Variants in MICU1 observed in about 807,000 individuals in gnomAD.
MICU1 encodes the protein calcium uptake protein 1, mitochondrial.
A neutral mutation model predicts 56.8 loss-of-function variants in MICU1; 45 were observed. The ratio of observed to expected loss-of-function variants is 0.79; its 90% CI spans 0.62 to 1.02. The LOEUF (loss-of-function observed/expected upper bound fraction) is 1.02. Among genes scored for constraint, MICU1 ranks in the 50% least tolerant of loss-of-function variants. The probability of loss-of-function intolerance (pLI) is 0.00; values close to 1 mark genes in which losing one functional copy is unlikely to be tolerated. For synonymous variants in MICU1, 186 were observed against 195.1 expected, an observed-to-expected ratio of 0.95 and a Z score of 0.39; for missense variants, 504 against 587.1, an observed-to-expected ratio of 0.86 and a Z score of 1.46.
chr10:72,391,447 T>A (rs565433848), intron 10 of MICU1, among the ~76,000 whole-genome samples: 19 of 151,304 alleles, frequency 1.3e-4, no homozygotes, highest in Non-Finnish European at 2.1e-4. Context: ...AAAAAAAAAA[T>A]AAATAAATAA....
intron 1 of MICU1, among the ~76,000 whole-genome samples, chr10:72,586,601 A>G (rs1478981052): frequency 6.6e-6 from 1 of 151,902 alleles, no homozygotes; most frequent in Non-Finnish European, 1.5e-5. Context: ...GCAGGGAGCC[A>G]AGATCGTGCC....
At chr10:72,502,738 G>A (rs1867121634) in intron 6 of MICU1, 1 of 153,322 alleles carries the variant, frequency 6.5e-6, no homozygotes, top group African/African-American at 2.4e-5. Context: ...GAGAGTCACT[G>A]AGTGCCTCAT....
chr10:72,389,521 G>T (rs550948251), intron 10 of MICU1, among the ~76,000 whole-genome samples: 1 of 152,294 alleles, frequency 6.6e-6, no homozygotes, highest in African/African-American at 2.4e-5. Flanking sequence ...TGCACGTATA[G>T]AATAACTACA....
chr10:72,615,900 A>T (rs1841967094), intron 1 of MICU1, among the ~76,000 whole-genome samples: 1 of 152,174 alleles, frequency 6.6e-6, no homozygotes, highest in South Asian at 2.1e-4. Context: ...GAGGCAGGAG[A>T]ATGGCGTGAA....
chr10:72,474,023 G>A (rs1426911111), intron 8 of MICU1, among the ~76,000 whole-genome samples: 5 of 151,940 alleles, frequency 3.3e-5, no homozygotes, highest in Admixed American at 2.6e-4. Flanking sequence ...ATGGGAGGCC[G>A]AGGCAGGAGG....
chr10:72,448,934 C>T (rs1365124554), intron 8 of MICU1, among the ~76,000 whole-genome samples: 4 of 151,982 alleles, frequency 2.6e-5, no homozygotes, highest in Admixed American at 1.3e-4. Context: ...TTTGTTTGTT[C>T]GTTTTGTTTT....
intron 1 of MICU1, among the ~76,000 whole-genome samples, chr10:72,579,321 C>A (rs1451771605): frequency 1.3e-5 from 2 of 152,098 alleles, no homozygotes; most frequent in Non-Finnish European, 2.9e-5. Flanking sequence ...GCCTGTTCCG[C>A]ATAGACACAG....
intron 1 of MICU1, among the ~76,000 whole-genome samples, chr10:72,608,861 G>A (rs1589387424): frequency 1.3e-5 from 2 of 152,214 alleles, no homozygotes; most frequent in African/African-American, 4.8e-5. Context: ...ACTCCTGGCT[G>A]TAACCAATCC....
chr10:72,480,331 A>T (rs1256925018), intron 6 of MICU1, among the ~76,000 whole-genome samples: 1 of 152,248 alleles, frequency 6.6e-6, no homozygotes, highest in Admixed American at 6.5e-5. Flanking sequence ...TGAGAAATAA[A>T]ATGATTTCAG....
At chr10:72,620,946 G>C (rs535555404) in intron 1 of MICU1, among the ~76,000 whole-genome samples, 11 of 152,104 alleles carry the variant, frequency 7.2e-5, no homozygotes, top group Non-Finnish European at 1.6e-4. Flanking sequence ...TGATTGGCCA[G>C]GCATGGTGGC....
In MICU1 at chr10:72,472,089, G is replaced by A. The variant is rs149403655; in HGVS notation, c.933+3011C>T. On this transcript the variant is annotated intron_variant, in intron 8 of 11. Coordinates refer to ENST00000361114, the MANE Select transcript of MICU1 (RefSeq NM_001195518.2). Reference sequence around the variant, plus strand: ...TGTTACCATTTCCAAATAAAGCTCTGGAAGCATAATACTTAAATGCTATTG... The same window carrying A: ...TGTTACCATTTCCAAATAAAGCTCTAGAAGCATAATACTTAAATGCTATTG... Among the ~76,000 whole-genome samples, 32 of 152,152 alleles carry A rather than the reference G, an allele frequency of 2.1e-4. No homozygotes were observed. The East Asian group carries it at 5.4e-3, about 26-fold the overall frequency.
At chr10:72,419,417 G>A (rs897607671) in intron 9 of MICU1, among the ~76,000 whole-genome samples, 3 of 152,168 alleles carry the variant, frequency 2.0e-5, no homozygotes, top group African/African-American at 4.8e-5. Flanking sequence ...GAGAACACCT[G>A]CTGTGGGAAA....
intron 1 of MICU1, among the ~76,000 whole-genome samples, chr10:72,621,314 C>T (rs761625854): frequency 6.6e-6 from 1 of 151,786 alleles, no homozygotes; most frequent in Non-Finnish European, 1.5e-5. Flanking sequence ...ATGGTGAAAC[C>T]CCATCTCTAC....
chr10:72,625,731 C>T (rs1295762328), intron 1 of MICU1, among the ~76,000 whole-genome samples: 1 of 152,154 alleles, frequency 6.6e-6, no homozygotes, highest in East Asian at 1.9e-4. Context: ...AGTTGCGAAC[C>T]CGGCACTGGG....
In MICU1 at chr10:72,511,911, G is replaced by A. The variant is rs550874041; in HGVS notation, c.538-3642C>T. ...TGATTGGGTGGTGCCCATCAACATT[G>A]AGGGCAGACCGTCCCCATCTAAATC... is the stretch of plus-strand genomic sequence containing the variant. On this transcript the variant is annotated intron_variant, in intron 5 of 11. Transcript: ENST00000361114. Among the ~76,000 whole-genome samples, 4 of 152,128 alleles carry A rather than the reference G, an allele frequency of 2.6e-5. No individual in the cohort carries two copies. In the South Asian group the frequency reaches 6.2e-4, roughly 24 times the overall value.
At chr10:72,603,124 C>T (rs931318662) in intron 1 of MICU1, among the ~76,000 whole-genome samples, 3 of 151,932 alleles carry the variant, frequency 2.0e-5, no homozygotes, top group African/African-American at 4.8e-5. Context: ...CAGTGGCTCA[C>T]GCCTGTAATC....
intron 4 of MICU1, among the ~76,000 whole-genome samples, chr10:72,538,026 G>T (rs1029886259): frequency 6.6e-5 from 10 of 152,130 alleles, no homozygotes; most frequent in Admixed American, 6.5e-4. Flanking sequence ...TTAGTACTCA[G>T]TTACACTTAT....
At position 72,551,243 on chromosome 10, in the gene MICU1, T is replaced by G. The variant is rs778894142; in HGVS notation, c.429A>C (p.Ala143=). 5 of 1,613,276 alleles carry G rather than the reference T, an allele frequency of 3.1e-6. No individual in the cohort carries two copies. The highest frequency in any genetic ancestry group is 2.5e-6 in the Non-Finnish European group (3 of 1,179,518). Residue 143 remains alanine (A), a synonymous_variant, in exon 4 of 12, where the codon GCA becomes GCC. Transcript: ENST00000361114. ...AATCTTCTGGTGTCATAAACACTTCTGCTTCACCAGGCTCACTGATGACTT... is the reference window on the plus strand; with the variant it reads ...AATCTTCTGGTGTCATAAACACTTCGGCTTCACCAGGCTCACTGATGACTT... ...TLKVISEPGE[A]EVFMTPEDFV...
At chr10:72,610,770 T>G (rs924117120) in intron 1 of MICU1, among the ~76,000 whole-genome samples, 1 of 152,178 alleles carries the variant, frequency 6.6e-6, no homozygotes, top group Non-Finnish European at 1.5e-5. Flanking sequence ...CTTATGGATG[T>G]AGCTTACAAA....
Sources: gnomAD v4.1 joint callset for allele counts (sites outside exome capture counted in the v4.1 genomes callset) on GRCh38, gnomAD v4.1.1 for gene constraint, MANE v1.5 for transcripts, NCBI Gene and HGNC (gene_info 2026-07-23, HGNC 2026-07-21) for gene names.